Variants in HIVEP3 observed in about 807,000 individuals in gnomAD.
HIVEP3 encodes transcription factor HIVEP3.
Under a neutral mutation model 152.8 loss-of-function variants are expected in HIVEP3, and 49 were observed. That is an observed-to-expected ratio of 0.32 (90% CI 0.26 to 0.41). The LOEUF (loss-of-function observed/expected upper bound fraction) is 0.41, where lower values mean the gene tolerates loss of function less well. HIVEP3 is among the 10% of genes least tolerant of loss of function. The pLI is 1.00. For missense variants in HIVEP3, 2,790 were observed against 3,103.3 expected (o/e 0.90, Z 2.40); for synonymous variants, 1,269 against 1,289.0 (o/e 0.98, Z 0.33).
At chr1:41,624,520 A>G (rs1039104149) in intron 3 of HIVEP3, among the ~76,000 whole-genome samples, 5 of 152,224 alleles carry the variant, frequency 3.3e-5, no homozygotes, top group African/African-American at 1.2e-4. Flanking sequence ...TCAGTTAGGA[A>G]GAGTGGAGCT....
At chr1:41,528,478 A>C (rs1569758547) in intron 5 of HIVEP3, among the ~76,000 whole-genome samples, 6 of 38,844 alleles carry the variant, frequency 1.5e-4, no homozygotes, top group Admixed American at 6.9e-4. Flanking sequence ...ACCTTCACAC[A>C]CTCCACACCC....
intron 5 of HIVEP3, among the ~76,000 whole-genome samples, chr1:41,529,397 C>T (rs1643159048): frequency 7.0e-6 from 1 of 142,160 alleles, no homozygotes; most frequent in South Asian, 2.4e-4. Context: ...CCTCCACACA[C>T]ATGCTCATAC....
At chr1:42,017,623 G>A (rs2124533303) in intron 1 of HIVEP3, among the ~76,000 whole-genome samples, 1 of 152,090 alleles carries the variant, frequency 6.6e-6, no homozygotes, top group Middle Eastern at 3.4e-3. Context: ...TCTCATTTCT[G>A]TATATATTCC....
chr1:41,978,864 G>A (rs1287327508), intron 1 of HIVEP3, among the ~76,000 whole-genome samples: 2 of 152,042 alleles, frequency 1.3e-5, no homozygotes, highest in Non-Finnish European at 2.9e-5. Context: ...TAGACTTCAG[G>A]AGCCACCTTC....
chr1:41,928,101 G>A (rs1369042775), intron 1 of HIVEP3, among the ~76,000 whole-genome samples: 4 of 144,632 alleles, frequency 2.8e-5, no homozygotes, highest in African/African-American at 1.0e-4. Context: ...AGCATGTATT[G>A]CTTTTTAAAG....
Position 41,918,207 on chromosome 1 carries a change from AC to A in HIVEP3, c.-801+205del, listed in dbSNP as rs34342278. Among the ~76,000 whole-genome samples the A allele has an allele frequency of 0.41, 62,553 of 152,022 alleles. 14,905 individuals are homozygous for A. The highest frequency in any genetic ancestry group is 0.71 in the East Asian group (3,667 of 5,144). On this transcript the variant is annotated intron_variant, in intron 1 of 8. Coordinates refer to ENST00000372583, the MANE Select transcript of HIVEP3 (RefSeq NM_024503.5). The surrounding 1 kb of genome is among the most constrained non-coding windows in gnomAD (Gnocchi z 4.3). ...CCAGGCCGAGCAGCGCGCTCAGCCC[AC>A]CGGGGGCACTGGCCGCCACGCGCAG...
intron 2 of HIVEP3, among the ~76,000 whole-genome samples, chr1:41,659,961 TGA>T (rs1008608931): frequency 3.9e-5 from 6 of 152,244 alleles, no homozygotes; most frequent in South Asian, 4.2e-4. Flanking sequence ...TGTGTGTGTG[TGA>T]GAGTGTGCGT....
chr1:41,700,529 A>G (rs1371197103), intron 2 of HIVEP3, among the ~76,000 whole-genome samples: 1 of 152,228 alleles, frequency 6.6e-6, no homozygotes, highest in Non-Finnish European at 1.5e-5. Flanking sequence ...TGTCCTCCCC[A>G]GAGCCCAGGG....
intron 1 of HIVEP3, among the ~76,000 whole-genome samples, chr1:41,705,279 G>A (rs1646416347): frequency 6.6e-6 from 1 of 152,080 alleles, no homozygotes; most frequent in African/African-American, 2.4e-5. Context: ...CCCCACCCTG[G>A]CCTGGCCTGC....
At chr1:41,667,126 C>T (rs928392524) in intron 2 of HIVEP3, among the ~76,000 whole-genome samples, 13 of 152,188 alleles carry the variant, frequency 8.5e-5, no homozygotes, top group African/African-American at 3.1e-4. Flanking sequence ...CTGGCTTGTG[C>T]CCCACTATGA....
chr1:41,840,221 A>G (rs1252545904), intron 1 of HIVEP3, among the ~76,000 whole-genome samples: 1 of 152,112 alleles, frequency 6.6e-6, no homozygotes, highest in East Asian at 1.9e-4. Context: ...TCAAAATGTG[A>G]CCTTATTTGG....
intron 5 of HIVEP3, among the ~76,000 whole-genome samples, chr1:41,573,829 A>G (rs906864691): frequency 2.6e-5 from 4 of 152,186 alleles, no homozygotes; most frequent in African/African-American, 9.7e-5. Context: ...CTCAACCGAG[A>G]GGATTCTGAA....
intron 1 of HIVEP3, among the ~76,000 whole-genome samples, chr1:41,947,364 T>A (rs114101899): frequency 6.6e-6 from 1 of 152,238 alleles, no homozygotes; most frequent in Non-Finnish European, 1.5e-5. Flanking sequence ...GGTTAAATAC[T>A]TCGGGCTAAA....
chr1:41,632,289 T>C (rs1645206642), intron 2 of HIVEP3, among the ~76,000 whole-genome samples: 1 of 152,164 alleles, frequency 6.6e-6, no homozygotes, highest in Non-Finnish European at 1.5e-5. Flanking sequence ...CTATTTTGGG[T>C]AGAGCCGGGT....
chr1:41,759,135 GCTTT>G (rs1024627126), intron 1 of HIVEP3, among the ~76,000 whole-genome samples: 1 of 150,530 alleles, frequency 6.6e-6, no homozygotes, highest in Non-Finnish European at 1.5e-5. Context: ...CCACCAGTCT[GCTTT>G]CTATTAGGTT....
intron 5 of HIVEP3, among the ~76,000 whole-genome samples, chr1:41,567,608 A>G (rs1644186172): frequency 6.6e-6 from 1 of 152,194 alleles, no homozygotes; most frequent in Non-Finnish European, 1.5e-5. Flanking sequence ...CCCACCCCAG[A>G]AGAAGAGCAG....
In HIVEP3 at chr1:41,949,571, C is replaced by T. The variant is rs565707936; in HGVS notation, n.120-31047G>A. 1.7e-4 allele frequency among the ~76,000 whole-genome samples: 26 copies of T among 152,184 alleles called. No individual in the cohort carries two copies. The East Asian group carries it at 3.7e-3, about 21-fold the overall frequency. On this transcript the variant is annotated intron_variant and non_coding_transcript_variant, in intron 1 of 3. Transcript: ENST00000489103. Reference sequence around the variant, plus strand: ...CGTCACCGAGAAAGTTAAAGAAATTCGAGATTGCATACAACATAGAGCAGA... The same window carrying T: ...CGTCACCGAGAAAGTTAAAGAAATTTGAGATTGCATACAACATAGAGCAGA...
At chr1:41,902,541 GC>G in intron 1 of HIVEP3, among the ~76,000 whole-genome samples, 1 of 152,256 alleles carries the variant, frequency 6.6e-6, no homozygotes, top group South Asian at 2.1e-4. Context: ...GACTGTCATG[GC>G]CAGGACAGAA....
intron 2 of HIVEP3, among the ~76,000 whole-genome samples, chr1:41,654,873 C>A (rs912573787): frequency 1.3e-5 from 2 of 152,078 alleles, no homozygotes; most frequent in East Asian, 3.9e-4. Flanking sequence ...CCATTCTGCC[C>A]CTCATTTCTG....
Sources: gnomAD v4.1 joint callset for allele counts (sites outside exome capture counted in the v4.1 genomes callset) on GRCh38, gnomAD v4.1.1 for gene constraint, Gnocchi (gnomAD v3.1) non-coding constraint, MANE v1.5 for transcripts, NCBI Gene and HGNC (gene_info 2026-07-23, HGNC 2026-07-21) for gene names.